SIPA1L1: variants seen among roughly 807,000 people sequenced by gnomAD.
SIPA1L1 encodes the protein signal-induced proliferation-associated 1-like protein 1.
In SIPA1L1, 26 loss-of-function variants were observed where a neutral mutation model predicts 162.7. The observed-to-expected ratio is 0.16, with a 90% confidence interval of 0.12 to 0.22. The LOEUF is 0.22. Ranked by LOEUF, SIPA1L1 falls within the 10% of genes least tolerant of loss-of-function variation. The probability of loss-of-function intolerance (pLI) is 1.00; values close to 1 mark genes in which losing one functional copy is unlikely to be tolerated. For missense variants in SIPA1L1, 1,874 were observed against 2,241.0 expected (o/e 0.84, Z 3.31); for synonymous variants, 829 against 837.4 (o/e 0.99, Z 0.17).
At chr14:71,533,605 T>G (rs1043104397) in intron 4 of SIPA1L1, among the ~76,000 whole-genome samples, 1 of 152,250 alleles carries the variant, frequency 6.6e-6, no homozygotes, top group Non-Finnish European at 1.5e-5. Context: ...TTTTGTGTTG[T>G]GAAGGCATAA....
chr14:71,710,789 CAGA>C (rs565867239), intron 17 of SIPA1L1, among the ~76,000 whole-genome samples: 13 of 118,638 alleles, frequency 1.1e-4, no homozygotes, highest in Non-Finnish European at 2.0e-4. Flanking sequence ...GCCTGGGCAA[CAGA>C]GTGAGATTCT....
rs200236234 is a variant in SIPA1L1 at position 71,709,541 on chromosome 14, G to T, written c.4085G>T (p.Gly1362Val). 3 of 1,614,206 alleles carry T rather than the reference G, an allele frequency of 1.9e-6. No homozygotes were observed. Among genetic ancestry groups the T allele is most frequent in the South Asian group, 1.1e-5 (1 of 91,082 alleles). ...CGGACTTTGGAGACAGAGAGCCACG[G>T]CCTGGACCGGAAAACAGAGTCTTCC... Reference protein sequence around the residue: ...ADRTLETESHGLDRKTESSLS... With the variant: ...ADRTLETESHVLDRKTESSLS... The change falls in exon 17 of 24, where the codon GGC becomes GTC. Residue 1362 changes from glycine to valine, a missense_variant. Around this residue, in one of 5 missense-constraint regions of SIPA1L1, gnomAD observed 936 missense variants for 1,051.9 expected, o/e 0.89. Transcript: ENST00000381232.
intron 2 of SIPA1L1, among the ~76,000 whole-genome samples, chr14:71,485,293 G>A (rs888673262): frequency 2.6e-5 from 4 of 152,190 alleles, no homozygotes; most frequent in Admixed American, 2.0e-4. Flanking sequence ...TCCAACCCCC[G>A]GACCACGGAC....
chr14:71,669,824 G>A (rs1230714023), intron 10 of SIPA1L1, among the ~76,000 whole-genome samples: 2 of 152,160 alleles, frequency 1.3e-5, no homozygotes, highest in African/African-American at 4.8e-5. Context: ...TTCTGAGCAT[G>A]TAGCTTTTCC....
At chr14:71,656,100 C>A (rs1399570611) in intron 8 of SIPA1L1, among the ~76,000 whole-genome samples, 1 of 152,036 alleles carries the variant, frequency 6.6e-6, no homozygotes, top group South Asian at 2.1e-4. Flanking sequence ...TGAAACTATT[C>A]CCAAACTGTT....
intron 4 of SIPA1L1, among the ~76,000 whole-genome samples, chr14:71,531,209 A>C (rs1265184195): frequency 6.6e-6 from 1 of 152,118 alleles, no homozygotes; most frequent in Non-Finnish European, 1.5e-5. Flanking sequence ...TTTCATTTAA[A>C]TAGCTCTATT....
intron 7 of SIPA1L1, among the ~76,000 whole-genome samples, chr14:71,643,155 A>C (rs1444991674): frequency 6.6e-6 from 1 of 152,198 alleles, no homozygotes; most frequent in Non-Finnish European, 1.5e-5. Flanking sequence ...AAGAATAAGA[A>C]GCATGCAGAA....
At chr14:71,675,280 G>A (rs2045020998) in intron 12 of SIPA1L1, among the ~76,000 whole-genome samples, 1 of 152,222 alleles carries the variant, frequency 6.6e-6, no homozygotes, top group Non-Finnish European at 1.5e-5. Context: ...GGTGCCAGGA[G>A]GGGAGGCTGG....
intron 2 of SIPA1L1, among the ~76,000 whole-genome samples, chr14:71,450,491 C>T (rs1181354996): frequency 6.6e-6 from 1 of 152,156 alleles, no homozygotes; most frequent in Non-Finnish European, 1.5e-5. Flanking sequence ...ATAAAAAAGA[C>T]ATCTTGACTA....
At chr14:71,354,002 C>T (rs1378959801) in intron 2 of SIPA1L1, among the ~76,000 whole-genome samples, 2 of 151,878 alleles carry the variant, frequency 1.3e-5, no homozygotes, top group Non-Finnish European at 2.9e-5. Flanking sequence ...TAAAGATCAA[C>T]CATTGAAATT....
At chr14:71,629,098 C>T (rs531022097) in intron 7 of SIPA1L1, among the ~76,000 whole-genome samples, 2 of 152,096 alleles carry the variant, frequency 1.3e-5, no homozygotes, top group Middle Eastern at 3.4e-3. Context: ...CCACCACGCC[C>T]AGCTAAATTT....
chr14:71,388,908 A>AT (rs996928303), intron 2 of SIPA1L1, among the ~76,000 whole-genome samples: 4 of 152,058 alleles, frequency 2.6e-5, no homozygotes, highest in African/African-American at 9.7e-5. Context: ...TGTCATATGT[A>AT]TTTTTTACCA....
intron 2 of SIPA1L1, among the ~76,000 whole-genome samples, chr14:71,335,382 A>G (rs1217088330): frequency 1.3e-5 from 2 of 152,230 alleles, no homozygotes; most frequent in African/African-American, 4.8e-5. Context: ...GAACAGAAAC[A>G]CTATCACTCT....
rs138572126 is a variant in SIPA1L1, at chr14:71,538,673, A to G, written c.-303+9303A>G. On this transcript the variant is annotated intron_variant, in intron 4 of 23. Coordinates refer to ENST00000381232, the MANE Select transcript of SIPA1L1 (RefSeq NM_001386936.1). The stretch of plus-strand genomic sequence containing the variant: ...TGTTTTCTGGTGTTTGCTGGATACA[A>G]GACGGCAAAGTAGTCCCATTTCTGT... 3.2e-3 allele frequency among the ~76,000 whole-genome samples: 488 copies of G among 152,144 alleles called. 2 individuals are homozygous for G. Among genetic ancestry groups the G allele is most frequent in the Non-Finnish European group, 5.6e-3 (383 of 68,018 alleles).
chr14:71,738,741 A>T (rs1256432319), intron 23 of SIPA1L1, among the ~76,000 whole-genome samples: 3 of 152,174 alleles, frequency 2.0e-5, no homozygotes, highest in African/African-American at 7.2e-5. Flanking sequence ...AAAATTTAAG[A>T]CAATCCTGAC....
intron 2 of SIPA1L1, among the ~76,000 whole-genome samples, chr14:71,370,834 C>T (rs752907649): frequency 2.0e-5 from 3 of 152,060 alleles, no homozygotes; most frequent in Non-Finnish European, 2.9e-5. Context: ...TCTGTGACAT[C>T]ACAGTTTAGT....
At chr14:71,579,085 G>T (rs1344281951) in intron 4 of SIPA1L1, among the ~76,000 whole-genome samples, 1 of 152,178 alleles carries the variant, frequency 6.6e-6, no homozygotes, top group Non-Finnish European at 1.5e-5. Context: ...TTAATTGTAT[G>T]CAGTTATGAT....
At chr14:71,479,367 A>ATGTATGTATGTATGTATGTG (rs1555433744) in intron 2 of SIPA1L1, among the ~76,000 whole-genome samples, 1 of 151,440 alleles carries the variant, frequency 6.6e-6, no homozygotes, top group African/African-American at 2.4e-5. Flanking sequence ...GTATGTATGT[A>ATGTATGTATGTATGTATGTG]TGTATGTGTG....
chr14:71,428,506 T>C (rs760865084), intron 2 of SIPA1L1, among the ~76,000 whole-genome samples: 3 of 152,104 alleles, frequency 2.0e-5, no homozygotes, highest in African/African-American at 4.8e-5. Context: ...TCCCTGACCA[T>C]GCATGGTCAC....
Sources: allele counts gnomAD v4.1 joint callset (sites outside exome capture counted in the v4.1 genomes callset), GRCh38; gene constraint gnomAD v4.1.1; regional missense constraint gnomAD v4.1.1; transcripts MANE v1.5; gene names NCBI Gene and HGNC (gene_info 2026-07-23, HGNC 2026-07-21).